Variants in MDGA2 observed in about 807,000 individuals in gnomAD.
MDGA2 encodes the protein MAM domain containing glycosylphosphatidylinositol anchor 2.
MDGA2 carries 40 observed loss-of-function variants against 117.8 expected under a neutral mutation model. That is an observed-to-expected ratio of 0.34 (90% CI 0.26 to 0.44). MDGA2 has a LOEUF of 0.44. Among genes scored for constraint, MDGA2 ranks in the 20% least tolerant of loss-of-function variants. The pLI is 1.00. For missense variants in MDGA2, 1,123 were observed against 1,250.6 expected (o/e 0.90, Z 1.54); for synonymous variants, 452 against 439.0 (o/e 1.03, Z -0.37).
intron 3 of MDGA2, among the ~76,000 whole-genome samples, chr14:47,158,235 A>G (rs1883480650): frequency 6.6e-6 from 1 of 152,130 alleles, no homozygotes; most frequent in Admixed American, 6.5e-5. Flanking sequence ...TAGGGTTAAT[A>G]GGCTATACCA....
At chr14:47,611,737 T>C (rs756676917) in intron 1 of MDGA2, among the ~76,000 whole-genome samples, 1 of 152,150 alleles carries the variant, frequency 6.6e-6, no homozygotes, top group East Asian at 1.9e-4. Flanking sequence ...ACGTTTGAGA[T>C]GTTCCCAATC....
intron 2 of MDGA2, among the ~76,000 whole-genome samples, chr14:47,275,088 T>C (rs1390439478): frequency 1.3e-5 from 2 of 152,228 alleles, no homozygotes; most frequent in Non-Finnish European, 2.9e-5. Context: ...TTATCTACTT[T>C]TGTTGTGATT....
chr14:47,075,821 A>T (rs914475355), intron 6 of MDGA2, among the ~76,000 whole-genome samples: 2 of 152,142 alleles, frequency 1.3e-5, no homozygotes, highest in Non-Finnish European at 2.9e-5. Flanking sequence ...AATATTAAAA[A>T]ATCAGCTGGT....
chr14:47,153,019 A>T (rs1198871382), intron 3 of MDGA2, among the ~76,000 whole-genome samples: 1 of 152,206 alleles, frequency 6.6e-6, no homozygotes, highest in African/African-American at 2.4e-5. Context: ...ATATCCAGCA[A>T]AGCTAGAAAA....
chr14:47,480,324 G>A (rs372870382), intron 1 of MDGA2, among the ~76,000 whole-genome samples: 2 of 151,880 alleles, frequency 1.3e-5, no homozygotes, highest in Non-Finnish European at 2.9e-5. Context: ...CATAAGCATT[G>A]GATGACTATT....
chr14:47,371,429 T>A (rs1891356579), intron 1 of MDGA2, among the ~76,000 whole-genome samples: 1 of 151,826 alleles, frequency 6.6e-6, no homozygotes, highest in African/African-American at 2.4e-5. Flanking sequence ...ATGAACTATA[T>A]TCAAGACATG....
intron 15 of MDGA2, 148 bp from the exon 16 acceptor site, chr14:46,846,019 A>G: frequency 1.6e-6 from 1 of 638,442 alleles, no homozygotes; most frequent in Non-Finnish European, 2.8e-6. Flanking sequence ...CTTGCAGAAA[A>G]CATAAACTTT....
chr14:47,137,824 G>A (rs1301764846), intron 4 of MDGA2, among the ~76,000 whole-genome samples: 1 of 152,150 alleles, frequency 6.6e-6, no homozygotes, highest in Non-Finnish European at 1.5e-5. Flanking sequence ...GGATTGGAGA[G>A]TTGTTCTGGG....
intron 3 of MDGA2, among the ~76,000 whole-genome samples, chr14:47,161,674 G>T (rs1055080126): frequency 6.6e-6 from 1 of 151,068 alleles, no homozygotes; most frequent in African/African-American, 2.4e-5. Context: ...AAAAATTTTA[G>T]ATGCCCTTCA....
chr14:47,007,995 A>G (rs1036398001), intron 8 of MDGA2, among the ~76,000 whole-genome samples: 12 of 151,818 alleles, frequency 7.9e-5, no homozygotes, highest in Non-Finnish European at 1.8e-4. Context: ...TTCCAAATGC[A>G]TTTGTTTCAT....
At chr14:46,897,268 T>C (rs1883111620) in intron 10 of MDGA2, among the ~76,000 whole-genome samples, 1 of 152,190 alleles carries the variant, frequency 6.6e-6, no homozygotes, top group Non-Finnish European at 1.5e-5. Context: ...TATTTTAACT[T>C]ATTATCAACC....
At chr14:47,133,788 A>G (rs982290958) in intron 4 of MDGA2, among the ~76,000 whole-genome samples, 13 of 151,970 alleles carry the variant, frequency 8.6e-5, no homozygotes, top group Non-Finnish European at 1.9e-4. Flanking sequence ...TCATACATTC[A>G]GTATCTCTGT....
rs534000146 is a variant in MDGA2 at position 47,128,402 on chromosome 14, A to G, written c.925+3312T>C. Among the ~76,000 whole-genome samples, 11 of 152,158 alleles carry G rather than the reference A, an allele frequency of 7.2e-5. No individual in the cohort carries two copies. In the South Asian group the frequency reaches 1.9e-3, roughly 26 times the overall value. ...GTTTTTTTCTTCCTCATTCCATAGT[A>G]ATTCTTTTATTCATCCCATAGGCCA... On this transcript the variant is annotated intron_variant, in intron 5 of 16. Transcript: ENST00000399232.
Position 47,301,291 on chromosome 14 carries a change from C to G in MDGA2, c.420+120G>C, listed in dbSNP as rs983694046. 6 of 869,738 alleles carry G rather than the reference C, an allele frequency of 6.9e-6. No individual in the cohort carries two copies. The African/African-American group carries it at 1.8e-4, about 25-fold the overall frequency. 53.9% of individuals were successfully genotyped at this position (869,738 alleles called of 1,614,324 possible). A position where few individuals can be genotyped will look rare whatever the true frequency, so the allele number is the denominator to read the frequency against. On this transcript the variant is annotated intron_variant, in intron 2 of 16. Transcript: ENST00000399232. Reference sequence around the variant, plus strand: ...GAGTTACACACACACACACCCACACCCACCCACACACACACACACACACAC... The same window carrying G: ...GAGTTACACACACACACACCCACACGCACCCACACACACACACACACACAC...
At chr14:46,875,506 T>G (rs1291441127) in intron 12 of MDGA2, among the ~76,000 whole-genome samples, 1 of 151,712 alleles carries the variant, frequency 6.6e-6, no homozygotes, top group Non-Finnish European at 1.5e-5. Flanking sequence ...AATAACTCAA[T>G]AAATTTCTGA....
chr14:47,675,059 G>C lies in MDGA2; in HGVS notation c.-263C>G, dbSNP rs535101985. 1.2e-5 allele frequency: 2 copies of C among 168,248 alleles called. No individual in the cohort carries two copies. The highest frequency in any genetic ancestry group is 4.8e-5 in the African/African-American group (2 of 41,728). The allele number at this position is 168,248 out of a possible 1,614,324, so 10.4% of individuals were successfully genotyped here. A position where few individuals can be genotyped will look rare whatever the true frequency, so the allele number is the denominator to read the frequency against. ...GGGGGCCGGGGGTGCCGCGCGGTAG[G>C]AGCCTGGCTTGGACAGCCGAGGAGC... On this transcript the variant is annotated 5_prime_UTR_variant, in exon 1 of 17. Coordinates refer to ENST00000399232, the MANE Select transcript of MDGA2 (RefSeq NM_001113498.3).
At chr14:47,169,510 C>CA (rs895027934) in intron 3 of MDGA2, among the ~76,000 whole-genome samples, 1 of 151,502 alleles carries the variant, frequency 6.6e-6, no homozygotes, top group Non-Finnish European at 1.5e-5. Context: ...TAGATACTAA[C>CA]AAAAAAATTC....
At chr14:47,387,735 A>G (rs1891793934) in intron 1 of MDGA2, among the ~76,000 whole-genome samples, 1 of 152,162 alleles carries the variant, frequency 6.6e-6, no homozygotes, top group Non-Finnish European at 1.5e-5. Context: ...GTCAGGATAA[A>G]TATACTTAAC....
intron 1 of MDGA2, among the ~76,000 whole-genome samples, chr14:47,443,759 C>G (rs1470670863): frequency 6.6e-6 from 1 of 152,120 alleles, no homozygotes; most frequent in Non-Finnish European, 1.5e-5. Flanking sequence ...ACACCTTTCA[C>G]CTGTATATGA....
Sources: gnomAD v4.1 joint callset for allele counts (sites outside exome capture counted in the v4.1 genomes callset) on GRCh38, gnomAD v4.1.1 for gene constraint, MANE v1.5 for transcripts, NCBI Gene and HGNC (gene_info 2026-07-23, HGNC 2026-07-21) for gene names.